VGLL3: variants seen among roughly 807,000 people sequenced by gnomAD.
VGLL3 encodes vestigial like family member 3.
In VGLL3, 18 loss-of-function variants were observed where a neutral mutation model predicts 29.2. The observed-to-expected ratio is 0.62, with a 90% CI of 0.43 to 0.91. The LOEUF (loss-of-function observed/expected upper bound fraction) is 0.91. VGLL3 is among the 40% of genes least tolerant of loss of function. The pLI is 0.00. For synonymous variants in VGLL3, 180 were observed against 151.8 expected (o/e 1.19, Z -1.36); for missense variants, 440 against 413.2 (o/e 1.06, Z -0.56).
rs990816064 is a variant in VGLL3, at chr3:86,942,010, A to G, written c.*5014T>C. On this transcript the variant is annotated 3_prime_UTR_variant, in exon 4 of 4. Coordinates refer to ENST00000398399, the MANE Select transcript of VGLL3 (RefSeq NM_016206.4). ...TGAATGGATGTTGAAAGTTAGGCTA[A>G]AATTTTTACCTAATTTTTCTATAAT... is the stretch of plus-strand genomic sequence containing the variant. 3.9e-5 allele frequency: 6 copies of G among 152,100 alleles called. No homozygotes were observed. Among genetic ancestry groups the G allele is most frequent in the Admixed American group, 2.6e-4 (4 of 15,250 alleles). 9.4% of individuals were successfully genotyped at this position (152,100 alleles called of 1,614,324 possible). A position where few individuals can be genotyped will look rare whatever the true frequency, so the allele number is the denominator to read the frequency against.
intron 1 of VGLL3, among the ~76,000 whole-genome samples, chr3:86,984,727 T>C (rs918937289): frequency 9.9e-5 from 15 of 152,168 alleles, no homozygotes; most frequent in African/African-American, 3.6e-4. Flanking sequence ...TGTCAGAAAT[T>C]ATGCAAAGAC....
chr3:86,972,570 T>C (rs1705126077), intron 2 of VGLL3, among the ~76,000 whole-genome samples: 1 of 152,232 alleles, frequency 6.6e-6, no homozygotes, highest in African/African-American at 2.4e-5. Context: ...CATATGTATG[T>C]AAATTTTTTT....
At chr3:86,961,815 A>G (rs1341227461) in intron 3 of VGLL3, 2 of 565,206 alleles carry the variant, frequency 3.5e-6, no homozygotes, top group African/African-American at 4.1e-5. Context: ...TCTATTATGC[A>G]GAAGTGACAA....
intron 3 of VGLL3, among the ~76,000 whole-genome samples, chr3:86,956,838 G>A (rs1254185654): frequency 6.6e-6 from 1 of 150,934 alleles, no homozygotes; most frequent in Non-Finnish European, 1.5e-5. Flanking sequence ...AAGATAACGA[G>A]GGATGCTCTC....
At chr3:86,960,406 C>T (rs1704813090) in intron 3 of VGLL3, among the ~76,000 whole-genome samples, 1 of 152,244 alleles carries the variant, frequency 6.6e-6, no homozygotes, top group Admixed American at 6.5e-5. Context: ...CTGACTTCCT[C>T]TGTAGTACCC....
At chr3:86,966,807 A>G (rs576109265) in intron 3 of VGLL3, among the ~76,000 whole-genome samples, 2 of 119,158 alleles carry the variant, frequency 1.7e-5, no homozygotes, top group Non-Finnish European at 3.5e-5. Flanking sequence ...ATATATATAT[A>G]TATATATATA....
chr3:86,956,545 T>C (rs1231541605), intron 3 of VGLL3, among the ~76,000 whole-genome samples: 1 of 152,058 alleles, frequency 6.6e-6, no homozygotes, highest in African/African-American at 2.4e-5. Context: ...CCAGCACTTT[T>C]GGAGGCCGAG....
rs1704521620 is a variant in VGLL3, at chr3:86,947,009, C to T, written c.*15G>A. ...TGGATTTATGCTGCAACTTAACTCA[C>T]TAAGATTGTGTGTTTCAGTACCACG... On this transcript the variant is annotated 3_prime_UTR_variant, in exon 4 of 4. Transcript: ENST00000398399. 1 of 780,198 alleles carries T rather than the reference C, an allele frequency of 1.3e-6. No individual in the cohort carries two copies. The highest frequency in any genetic ancestry group is 2.4e-6 in the Non-Finnish European group (1 of 417,674). 48.3% of individuals were successfully genotyped at this position (780,198 alleles called of 1,614,324 possible).
chr3:86,963,867 C>G (rs1056764366), intron 3 of VGLL3, among the ~76,000 whole-genome samples: 1 of 152,134 alleles, frequency 6.6e-6, no homozygotes, highest in African/African-American at 2.4e-5. Context: ...AAGCTCATGC[C>G]GTCCACTAAC....
Position 86,990,683 on chromosome 3 carries a change from T to G in VGLL3, c.61A>C (p.Asn21His). The change falls in exon 1 of 4, where the codon AAC becomes CAC. Residue 21 changes from asparagine to histidine, a missense_variant. Asn to His is a moderately conservative substitution (Grantham distance 68). Transcript: ENST00000398399. ...QPYGASQYLP[N>H]PMAATTCPTA... ...GGGCAGGTTGTCGCTGCCATGGGGT[T>G]GGGCAGATACTGGGACGCTCCATAA... The G allele has an allele frequency of 7.2e-7, 1 of 1,395,986 alleles. No homozygotes were observed. The highest frequency in any genetic ancestry group is 9.3e-7 in the Non-Finnish European group (1 of 1,070,364). 86.5% of individuals were successfully genotyped at this position (1,395,986 alleles called of 1,614,324 possible).
In VGLL3 at chr3:86,941,067, T is replaced by C. The variant is rs1467820950; in HGVS notation, c.*5957A>G. ...CTGTATTTTTGTTGACAAAAGCATT[T>C]CACCTTACCTAGATTTATATAATAA... On this transcript the variant is annotated 3_prime_UTR_variant, in exon 4 of 4. Coordinates refer to ENST00000398399, the MANE Select transcript of VGLL3 (RefSeq NM_016206.4). 2 of 152,346 alleles carry C rather than the reference T, an allele frequency of 1.3e-5. No homozygotes were observed. Among genetic ancestry groups the C allele is most frequent in the Non-Finnish European group, 2.9e-5 (2 of 67,882 alleles). 9.4% of individuals were successfully genotyped at this position (152,346 alleles called of 1,614,324 possible).
chr3:86,978,755 G>T lies in VGLL3; in HGVS notation c.174C>A (p.Thr58=). 6.2e-7 allele frequency: 1 copy of T among 1,613,560 alleles called. No individual in the cohort carries two copies. The highest frequency in any genetic ancestry group is 8.5e-7 in the Non-Finnish European group (1 of 1,179,806). Residue 58 remains threonine (T), a synonymous_variant, in exon 2 of 4, where the codon ACC becomes ACA. Coordinates refer to ENST00000398399, the MANE Select transcript of VGLL3 (RefSeq NM_016206.4). ...CCTCCTCCTCTTGTTTGCTGGGAAG[G>T]GTGACTTCCAGAGAGTCCTGCATCT... The part of the protein sequence containing the change: ...FSKMQDSLEV[T]LPSKQEEEDE...
At chr3:86,989,825 C>A (rs1396802712) in intron 1 of VGLL3, among the ~76,000 whole-genome samples, 2 of 152,128 alleles carry the variant, frequency 1.3e-5, no homozygotes, top group African/African-American at 4.8e-5. Context: ...CCAAGGGCGC[C>A]TCGTGCCAAA....
rs144669218 is a variant in VGLL3, at chr3:86,943,884, T to C, written c.*3140A>G. ...TTTTCTAGGGTCTACTTCACAGATA[T>C]TTAGAAAGCTTGAATAAAATCTGAT... On this transcript the variant is annotated 3_prime_UTR_variant, in exon 4 of 4. Transcript: ENST00000398399. 32 of 152,230 alleles carry C rather than the reference T, an allele frequency of 2.1e-4. 1 individual carries two copies. In the East Asian group the frequency reaches 5.8e-3, roughly 28 times the overall value. The allele number at this position is 152,230 out of a possible 1,614,324, so 9.4% of individuals were successfully genotyped here.
intron 3 of VGLL3, among the ~76,000 whole-genome samples, chr3:86,967,860 A>G (rs1297966382): frequency 6.6e-6 from 1 of 152,216 alleles, no homozygotes; most frequent in Non-Finnish European, 1.5e-5. Context: ...GAACTATTGA[A>G]TTCCAGACAG....
At position 86,978,589 on chromosome 3, in the gene VGLL3, T is replaced by C. The variant is rs1705256876; in HGVS notation, c.340A>G (p.Ile114Val). ...EHFSRALGQA[I>V]TLHPESAISK... ...ATGGCAGATTCTGGATGGAGGGTGA[T>C]GGCTTGGCCCAAAGCTCTTGAGAAG... is the stretch of plus-strand genomic sequence containing the variant. The change falls in exon 2 of 4, where the codon ATC (isoleucine) becomes GTC (valine). Residue 114 changes from isoleucine (I) to valine (V), a missense_variant. By Grantham distance (29) the Ile-to-Val change is conservative. Coordinates refer to ENST00000398399, the MANE Select transcript of VGLL3 (RefSeq NM_016206.4). The C allele has an allele frequency of 6.2e-7, 1 of 1,614,186 alleles. No homozygotes were observed. Among genetic ancestry groups the C allele is most frequent in the Non-Finnish European group, 8.5e-7 (1 of 1,180,028 alleles).
intron 2 of VGLL3, among the ~76,000 whole-genome samples, chr3:86,975,054 ACT>A (rs889230362): frequency 2.6e-5 from 4 of 152,138 alleles, no homozygotes; most frequent in Non-Finnish European, 5.9e-5. Context: ...CTTTACAATA[ACT>A]CTATGAGATG....
intron 3 of VGLL3, chr3:86,961,773 A>G: frequency 3.6e-6 from 1 of 279,256 alleles, no homozygotes; most frequent in Non-Finnish European, 5.4e-6. Context: ...ATGTAAGGTG[A>G]AAGTCATTCA....
At chr3:86,959,892 T>C (rs1704802478) in intron 3 of VGLL3, among the ~76,000 whole-genome samples, 1 of 152,154 alleles carries the variant, frequency 6.6e-6, no homozygotes, top group Non-Finnish European at 1.5e-5. Flanking sequence ...GGTCTTGAGA[T>C]GTGAGTTAAG....
Sources: allele counts gnomAD v4.1 joint callset (sites outside exome capture counted in the v4.1 genomes callset), GRCh38; gene constraint gnomAD v4.1.1; transcripts MANE v1.5; gene names NCBI Gene and HGNC (gene_info 2026-07-23, HGNC 2026-07-21).